Variants in KMT2E observed in about 807,000 individuals in gnomAD.
KMT2E encodes lysine methyltransferase 2E (inactive).
A neutral mutation model predicts 184.6 loss-of-function variants in KMT2E; 30 were observed. That is an observed-to-expected ratio of 0.16 (90% CI 0.12 to 0.22). The LOEUF (loss-of-function observed/expected upper bound fraction) is 0.22, where lower values mean the gene tolerates loss of function less well. Among genes scored for constraint, KMT2E ranks in the 10% least tolerant of loss-of-function variants. The pLI is 1.00. For synonymous variants in KMT2E, 815 were observed against 776.5 expected (o/e 1.05, Z -0.82); for missense variants, 2,023 against 2,237.4 (o/e 0.90, Z 1.93).
Position 105,108,935 on chromosome 7 carries a change from GCT to G in KMT2E, c.3469-6_3469-5del. On this transcript the variant is annotated splice_region_variant and splice_polypyrimidine_tract_variant and intron_variant, in intron 22 of 26. Coordinates refer to ENST00000311117, the MANE Select transcript of KMT2E (RefSeq NM_182931.3). ...AGATTTGCTTTTTCTCATCTTTCTT[GCT>G]TAAGGTTTCTCTATTAGAATACCGT... 6.3e-7 allele frequency: 1 copy of G among 1,588,108 alleles called. No homozygotes were observed. The highest frequency in any genetic ancestry group is 2.3e-5 in the East Asian group (1 of 44,234).
In KMT2E at chr7:105,029,644, G is replaced by A. The variant is rs147441155; in HGVS notation, c.-188-8482G>A. Reference sequence around the variant, plus strand: ...AAGATTGGGTGGCTGGATATAATAGGAAACTGGAACGAAAGAAGGAGAAGA... The same window carrying A: ...AAGATTGGGTGGCTGGATATAATAGAAAACTGGAACGAAAGAAGGAGAAGA... On this transcript the variant is annotated intron_variant, in intron 1 of 26. Transcript: ENST00000311117. 5.9e-3 allele frequency among the ~76,000 whole-genome samples: 904 copies of A among 152,212 alleles called. 4 individuals are homozygous for A. The highest frequency in any genetic ancestry group is 0.016 in the African/African-American group (673 of 41,514).
intron 1 of KMT2E, among the ~76,000 whole-genome samples, chr7:105,027,075 T>C (rs1257555949): frequency 7.8e-5 from 2 of 25,776 alleles, no homozygotes; most frequent in Non-Finnish European, 1.2e-4. Flanking sequence ...CCCCGCCCTC[T>C]TTTTTTTTTT....
chr7:105,057,218 G>A lies in KMT2E; in HGVS notation c.72-4946G>A, dbSNP rs73421755. Reference sequence around the variant, plus strand: ...GCCCAGGACATCTTTGTGAGTGGGAGGAAAAGCGATAGACTACTATTCTTG... The same window carrying A: ...GCCCAGGACATCTTTGTGAGTGGGAAGAAAAGCGATAGACTACTATTCTTG... On this transcript the variant is annotated intron_variant, in intron 3 of 26. Coordinates refer to ENST00000311117, the MANE Select transcript of KMT2E (RefSeq NM_182931.3). Among the ~76,000 whole-genome samples the A allele has an allele frequency of 3.6e-3, 551 of 152,272 alleles. 4 individuals are homozygous for A. The highest frequency in any genetic ancestry group is 0.013 in the African/African-American group (531 of 41,560).
intron 5 of KMT2E, among the ~76,000 whole-genome samples, chr7:105,064,319 A>G (rs1040595584): frequency 1.3e-5 from 2 of 151,820 alleles, no homozygotes; most frequent in Non-Finnish European, 2.9e-5. Context: ...GTAGAGAGCA[A>G]GAAAGTTGGG....
chr7:105,042,032 C>G lies in KMT2E; in HGVS notation c.71+1009C>G, dbSNP rs1390720393. Among the ~76,000 whole-genome samples, 3 of 152,170 alleles carry G rather than the reference C, an allele frequency of 2.0e-5. No homozygotes were observed. The East Asian group carries it at 5.8e-4, about 29-fold the overall frequency. On this transcript the variant is annotated intron_variant, in intron 3 of 26. Coordinates refer to ENST00000311117, the MANE Select transcript of KMT2E (RefSeq NM_182931.3). ...GTTTGTTTTGTGACAGAGTCTCACT[C>G]TGTCATCCAGGCTGGAGTGCAGTAG...
Position 105,109,319 on chromosome 7 carries a change from T to C in KMT2E, c.3755+91T>C, listed in dbSNP as rs1045581744. 6 of 1,301,814 alleles carry C rather than the reference T, an allele frequency of 4.6e-6. No individual in the cohort carries two copies. In the Admixed American group the frequency reaches 6.7e-5, roughly 15 times the overall value. 80.6% of individuals were successfully genotyped at this position (1,301,814 alleles called of 1,614,324 possible). A position where few individuals can be genotyped will look rare whatever the true frequency, so the allele number is the denominator to read the frequency against. The stretch of plus-strand genomic sequence containing the variant: ...TGTTGTTCTCCCAAGGCTAAGCTGA[T>C]AGTGCTTCGTGGTCACAATTTTAAA... On this transcript the variant is annotated intron_variant, in intron 23 of 26. Coordinates refer to ENST00000311117, the MANE Select transcript of KMT2E (RefSeq NM_182931.3).
chr7:105,043,952 G>A (rs983863507), intron 3 of KMT2E, among the ~76,000 whole-genome samples: 21 of 152,070 alleles, frequency 1.4e-4, no homozygotes, highest in Non-Finnish European at 2.9e-5. Context: ...TTAAAAATTA[G>A]CTGGGCATGG....
chr7:105,110,123 G>A (rs996563405), intron 23 of KMT2E, among the ~76,000 whole-genome samples, 157 bp from the exon 24 acceptor site: 3 of 152,114 alleles, frequency 2.0e-5, no homozygotes, highest in African/African-American at 7.2e-5. Context: ...GTGAGCCACT[G>A]TGCCCTGCCA....
At chr7:105,097,351 AC>A (rs1798451957) in intron 15 of KMT2E, among the ~76,000 whole-genome samples, 1 of 152,054 alleles carries the variant, frequency 6.6e-6, no homozygotes, top group Admixed American at 6.5e-5. Flanking sequence ...GTAATTAATG[AC>A]ATTGTGGTGT....
intron 1 of KMT2E, among the ~76,000 whole-genome samples, chr7:105,022,281 T>C (rs925032820): frequency 6.6e-6 from 1 of 152,184 alleles, no homozygotes; most frequent in Non-Finnish European, 1.5e-5. Context: ...AGATTGCATT[T>C]AGTTTTGTTG....
intron 16 of KMT2E, 142 bp from the exon 17 acceptor site, chr7:105,101,744 C>T (rs994277461): frequency 2.1e-6 from 2 of 939,700 alleles, no homozygotes; most frequent in East Asian, 5.7e-5. Context: ...AGATAAAAGA[C>T]TATATATTAT....
chr7:105,044,724 T>TC (rs1330805085), intron 3 of KMT2E, among the ~76,000 whole-genome samples: 2 of 152,222 alleles, frequency 1.3e-5, no homozygotes, highest in Non-Finnish European at 2.9e-5. Context: ...CAGTAGCTGA[T>TC]CTACCAGTAG....
At position 105,091,337 on chromosome 7, in the gene KMT2E, T is replaced by G. The variant is rs761938877; in HGVS notation, c.1722+23T>G. 9.1e-6 allele frequency: 12 copies of G among 1,324,612 alleles called. No homozygotes were observed. The East Asian group carries it at 2.3e-4, about 25-fold the overall frequency. 82.1% of individuals were successfully genotyped at this position (1,324,612 alleles called of 1,614,324 possible). A position where few individuals can be genotyped will look rare whatever the true frequency, so the allele number is the denominator to read the frequency against. On this transcript the variant is annotated intron_variant, in intron 15 of 26. Coordinates refer to ENST00000311117, the MANE Select transcript of KMT2E (RefSeq NM_182931.3). ...ATGGTAAGTTGGGAAGCCAGTAGTT[T>G]GGGCTTAGTGACAGCTGCTCTGCAT...
At chr7:105,046,140 A>T (rs1364532066) in intron 3 of KMT2E, among the ~76,000 whole-genome samples, 1 of 152,130 alleles carries the variant, frequency 6.6e-6, no homozygotes, top group Non-Finnish European at 1.5e-5. Flanking sequence ...AACTTAATAA[A>T]ATTAGTACTA....
At chr7:105,063,218 A>G (rs1289901387) in intron 4 of KMT2E, 133 bp from the exon 5 acceptor site, 2 of 623,154 alleles carry the variant, frequency 3.2e-6, no homozygotes, top group South Asian at 2.3e-5. Context: ...TTTTAATGGT[A>G]TTAAGGAAGG....
intron 15 of KMT2E, among the ~76,000 whole-genome samples, chr7:105,094,997 G>C (rs1343166054): frequency 6.6e-6 from 1 of 152,082 alleles, no homozygotes; most frequent in Non-Finnish European, 1.5e-5. Context: ...TACAAAATTG[G>C]CAATTTTAAC....
At chr7:105,089,613 A>G (rs1347514412) in intron 13 of KMT2E, among the ~76,000 whole-genome samples, 4 of 152,206 alleles carry the variant, frequency 2.6e-5, no homozygotes, top group East Asian at 3.8e-4. Context: ...AATATATTAT[A>G]TAAAATTACT....
At chr7:105,086,695 A>T (rs1797976730) in intron 13 of KMT2E, among the ~76,000 whole-genome samples, 1 of 151,362 alleles carries the variant, frequency 6.6e-6, no homozygotes, top group Middle Eastern at 3.4e-3. Flanking sequence ...ACTGCACTCC[A>T]GCCTGGGTGA....
rs61739603 is a variant in KMT2E at position 105,077,052 on chromosome 7, A to G, written c.858A>G (p.Glu286=). ...AAGCATGGATGGATCGATATGAAGA[A>G]GCAAATAACAACCAGTACAGTGAGG... ...KIKAWMDRYE[E]ANNNQYSEGV... Residue 286 remains glutamate, a synonymous_variant, in exon 10 of 27, where the codon GAA becomes GAG. Coordinates refer to ENST00000311117, the MANE Select transcript of KMT2E (RefSeq NM_182931.3). 6.2e-7 allele frequency: 1 copy of G among 1,613,960 alleles called. No homozygotes were observed. Among genetic ancestry groups the G allele is most frequent in the Non-Finnish European group, 8.5e-7 (1 of 1,180,016 alleles).
Sources: allele counts gnomAD v4.1 joint callset (sites outside exome capture counted in the v4.1 genomes callset), GRCh38; gene constraint gnomAD v4.1.1; transcripts MANE v1.5; gene names NCBI Gene and HGNC (gene_info 2026-07-23, HGNC 2026-07-21).